ATP2A1: variants seen among roughly 807,000 people sequenced by gnomAD.
ATP2A1 encodes ATPase sarcoplasmic/endoplasmic reticulum Ca2+ transporting 1, also known as sarcoplasmic/endoplasmic reticulum calcium ATPase 1.
ATP2A1 carries 83 observed loss-of-function variants against 109.5 expected under a neutral mutation model. The ratio of observed to expected loss-of-function variants is 0.76; its 90% CI spans 0.63 to 0.91. The LOEUF is 0.91. ATP2A1 is among the 40% of genes least tolerant of loss of function. The probability of loss-of-function intolerance (pLI) is 0.00; values close to 1 mark genes in which losing one functional copy is unlikely to be tolerated. For synonymous variants in ATP2A1, 505 were observed against 537.6 expected (o/e 0.94, Z 0.84); for missense variants, 1,101 against 1,341.0 (o/e 0.82, Z 2.80).
Position 28,885,976 on chromosome 16 carries a change from G to A in ATP2A1, c.545-1213G>A, listed in dbSNP as rs532301102. Among the ~76,000 whole-genome samples the A allele has an allele frequency of 4.6e-5, 7 of 151,640 alleles. No individual in the cohort carries two copies. In the South Asian group the frequency reaches 1.0e-3, roughly 23 times the overall value. Reference sequence around the variant, plus strand: ...AGGTCAGGAGTTTCAGACCAGCCTCGGCAACACAGCGAGACCCCATCTCTA... The same window carrying A: ...AGGTCAGGAGTTTCAGACCAGCCTCAGCAACACAGCGAGACCCCATCTCTA... On this transcript the variant is annotated intron_variant, in intron 6 of 22. Coordinates refer to ENST00000395503, the MANE Select transcript of ATP2A1 (RefSeq NM_004320.6).
At position 28,898,165 on chromosome 16, in the gene ATP2A1, A is replaced by G. The variant is rs987362854; in HGVS notation, c.1545+40A>G. 1 of 1,613,682 alleles carries G rather than the reference A, an allele frequency of 6.2e-7. No individual in the cohort carries two copies. Among genetic ancestry groups the G allele is most frequent in the Non-Finnish European group, 8.5e-7 (1 of 1,179,912 alleles). ...TGTGCCTCAGCCCCCTCTTCTTCCT[A>G]CTCCTAGCCACCTGTCACTGCCCTG... is the stretch of plus-strand genomic sequence containing the variant. On this transcript the variant is annotated intron_variant, in intron 13 of 22. Coordinates refer to ENST00000395503, the MANE Select transcript of ATP2A1 (RefSeq NM_004320.6). The surrounding 1 kb of genome is among the most constrained non-coding windows in gnomAD (Gnocchi z 4.0).
chr16:28,904,336 T>G lies in ATP2A1; in HGVS notation c.*194T>G. On this transcript the variant is annotated 3_prime_UTR_variant, in exon 23 of 23. Coordinates refer to ENST00000395503, the MANE Select transcript of ATP2A1 (RefSeq NM_004320.6). Reference sequence around the variant, plus strand: ...TATAAACATGTCCCCTTCCCTTTCCTTCCCCCTCGGCCACCCGCCTCCCTC... The same window carrying G: ...TATAAACATGTCCCCTTCCCTTTCCGTCCCCCTCGGCCACCCGCCTCCCTC... 1 of 1,557,458 alleles carries G rather than the reference T, an allele frequency of 6.4e-7. No individual in the cohort carries two copies. The highest frequency in any genetic ancestry group is 8.7e-7 in the Non-Finnish European group (1 of 1,155,594).
rs778710343 is a variant in ATP2A1, at chr16:28,894,849, G to A, written c.1315G>A (p.Glu439Lys). The change falls in exon 12 of 23, where the codon GAG becomes AAG. Residue 439 changes from glutamate to lysine, a missense_variant. Transcript: ENST00000395503. ...CAAAGGTGTCTATGAGAAGGTCGGC[G>A]AGGCCACCGAGACAGCACTCACCAC... ...EAKGVYEKVG[E>K]ATETALTTLV... 5 of 1,607,106 alleles carry A rather than the reference G, an allele frequency of 3.1e-6. No homozygotes were observed. The highest frequency in any genetic ancestry group is 4.2e-6 in the Non-Finnish European group (5 of 1,178,628).
chr16:28,880,992 T>G lies in ATP2A1; in HGVS notation c.297T>G (p.Ile99Met). 1 of 1,614,182 alleles carries G rather than the reference T, an allele frequency of 6.2e-7. No individual in the cohort carries two copies. The highest frequency in any genetic ancestry group is 8.5e-7 in the Non-Finnish European group (1 of 1,180,018). The change falls in exon 4 of 23, where the codon ATT (isoleucine) becomes ATG (methionine). Residue 99 changes from isoleucine (I) to methionine (M), a missense_variant. Transcript: ENST00000395503. The surrounding 1 kb of genome is among the most constrained non-coding windows in gnomAD (Gnocchi z 4.2). The part of the protein sequence containing the change: ...VEPFVILLIL[I>M]ANAIVGVWQE... ...CCTTTGTCATCCTCTTGATCCTCAT[T>G]GCCAATGCCATCGTGGGGGTTTGGC...
chr16:28,901,590 G>A lies in ATP2A1; in HGVS notation c.2101-273G>A, dbSNP rs367927118. Among the ~76,000 whole-genome samples the A allele has an allele frequency of 2.8e-4, 43 of 151,894 alleles. No individual in the cohort carries two copies. In the East Asian group the frequency reaches 5.0e-3, roughly 18 times the overall value. On this transcript the variant is annotated intron_variant, in intron 15 of 22. Coordinates refer to ENST00000395503, the MANE Select transcript of ATP2A1 (RefSeq NM_004320.6). ...GGAGGTTGCAGTGAGCTGAGATTGC[G>A]CCACTGCATTCCAGCCTGGGCGACA...
At chr16:28,897,885 C>A in intron 12 of ATP2A1, 115 bp from the exon 13 acceptor site, 2 of 1,366,518 alleles carry the variant, frequency 1.5e-6, no homozygotes, top group Non-Finnish European at 2.1e-6. Context: ...TCCTTTTGTG[C>A]TATAGGGACC....
At chr16:28,900,480 ACTTCCTGACCTTTCACCCCATC>A in intron 14 of ATP2A1, 79 bp from the exon 15 acceptor site, 2 of 441,960 alleles carry the variant, frequency 4.5e-6, no homozygotes, top group Non-Finnish European at 6.9e-6. Context: ...CCTCCCCACC[ACTTCCTGACCTTTCACCCCATC>A]CCCACCCCCC....
At position 28,894,201 on chromosome 16, in the gene ATP2A1, A is replaced by G; in HGVS notation, c.1142A>G (p.Glu381Gly). 6.2e-7 allele frequency: 1 copy of G among 1,613,872 alleles called. No individual in the cohort carries two copies. Among genetic ancestry groups the G allele is most frequent in the African/African-American group, 1.3e-5 (1 of 74,916 alleles). The change falls in exon 10 of 23, where the codon GAG becomes GGG. Residue 381 changes from glutamate (E) to glycine (G), a missense_variant. Transcript: ENST00000395503. ...GATGGGGACATCTGCCTCCTGAATG[A>G]GTTCTCCATCACCGGCTCCACTTAC... ...KVDGDICLLNEFSITGSTYAP... is the reference protein window; with the variant it reads ...KVDGDICLLNGFSITGSTYAP...
Position 28,879,506 on chromosome 16 carries a change from A to T in ATP2A1, c.142A>T (p.Thr48Ser). The T allele has an allele frequency of 1.2e-6, 2 of 1,613,422 alleles. No homozygotes were observed. The highest frequency in any genetic ancestry group is 1.7e-6 in the Non-Finnish European group (2 of 1,179,468). The change falls in exon 3 of 23, where the codon ACC (threonine) becomes TCC (serine). Residue 48 changes from threonine to serine, a missense_variant. By Grantham distance (58) the Thr-to-Ser change is moderately conservative. Coordinates refer to ENST00000395503, the MANE Select transcript of ATP2A1 (RefSeq NM_004320.6). Reference protein sequence around the residue: ...LNELPAEEGKTLWELVIEQFE... With the variant: ...LNELPAEEGKSLWELVIEQFE... ...CCCCTTGCCTCCTCCCCCAGGGAAG[A>T]CCCTGTGGGAGCTGGTGATAGAGCA...
At chr16:28,893,788 T>C (rs1304910192) in intron 9 of ATP2A1, among the ~76,000 whole-genome samples, 1 of 151,872 alleles carries the variant, frequency 6.6e-6, no homozygotes, top group Non-Finnish European at 1.5e-5. Context: ...TAGCTGGGAT[T>C]ACAGGCGCGC....
At chr16:28,904,019 G>T (rs1052117486) in intron 22 of ATP2A1, among the ~76,000 whole-genome samples, 161 bp from the exon 23 acceptor site, 3 of 94,246 alleles carry the variant, frequency 3.2e-5, no homozygotes, top group South Asian at 2.4e-4. Context: ...GGGCTGCAGT[G>T]GGGGGGGGCG....
intron 3 of ATP2A1, 88 bp downstream of exon 3, chr16:28,879,671 G>A (rs972241101): frequency 4.2e-6 from 6 of 1,424,662 alleles, no homozygotes; most frequent in Middle Eastern, 2.3e-4. Flanking sequence ...GGATCCTCCC[G>A]TCCGAGTCCC....
Position 28,894,972 on chromosome 16 carries a change from T to G in ATP2A1, c.1419+19T>G. On this transcript the variant is annotated intron_variant, in intron 12 of 22. Transcript: ENST00000395503. ...CAACTCGGTGAGCCTGCGGAGCCCC[T>G]GCCACAGGGCCGTCTCCACTCTATG... The G allele has an allele frequency of 6.2e-7, 1 of 1,610,096 alleles. No homozygotes were observed. The highest frequency in any genetic ancestry group is 8.5e-7 in the Non-Finnish European group (1 of 1,179,980).
intron 9 of ATP2A1, among the ~76,000 whole-genome samples, chr16:28,891,983 T>C (rs1048036958): frequency 2.0e-5 from 3 of 152,192 alleles, no homozygotes; most frequent in Non-Finnish European, 4.4e-5. Context: ...TACAGTTCTA[T>C]CAAAATTTTT....
At position 28,897,211 on chromosome 16, in the gene ATP2A1, T is replaced by A. The variant is rs12598409; in HGVS notation, c.1420-789T>A. Among the ~76,000 whole-genome samples the A allele has an allele frequency of 5.9e-5, 9 of 152,290 alleles. No homozygotes were observed. The East Asian group carries it at 1.7e-3, about 29-fold the overall frequency. Reference sequence around the variant, plus strand: ...ACATTTCTATCATTACTAAAAGTTATAGGGCCAGGTGTGGTGGTTCATGCC... The same window carrying A: ...ACATTTCTATCATTACTAAAAGTTAAAGGGCCAGGTGTGGTGGTTCATGCC... On this transcript the variant is annotated intron_variant, in intron 12 of 22. Transcript: ENST00000395503.
At chr16:28,893,688 C>T (rs1360137354) in intron 9 of ATP2A1, among the ~76,000 whole-genome samples, 2 of 133,828 alleles carry the variant, frequency 1.5e-5, no homozygotes, top group Non-Finnish European at 1.6e-5. Flanking sequence ...TGGCTCTTGT[C>T]GCCCAGGCTG....
chr16:28,900,587 C>T lies in ATP2A1; in HGVS notation c.1771C>T (p.Leu591=), dbSNP rs2152213333. 1.9e-6 allele frequency: 3 copies of T among 1,564,108 alleles called. No individual in the cohort carries two copies. Among genetic ancestry groups the T allele is most frequent in the African/African-American group, 1.3e-5 (1 of 74,324 alleles). ...SARFLEYETD[L]TFVGVVGMLD... ...CTCTGCTGTATCTCCCCAGACGGAC[C>T]TGACATTCGTGGGTGTAGTGGGCAT... The change falls in exon 15 of 23, where the codon CTG becomes TTG. Residue 591 remains leucine, a synonymous_variant. Coordinates refer to ENST00000395503, the MANE Select transcript of ATP2A1 (RefSeq NM_004320.6).
rs562157346 is a variant in ATP2A1 at position 28,903,767 on chromosome 16, C to G, written c.*37+26C>G. On this transcript the variant is annotated intron_variant, in intron 22 of 22. Transcript: ENST00000395503. The surrounding 1 kb of genome is among the most constrained non-coding windows in gnomAD (Gnocchi z 5.6). ...GTATCACCCCCTTCTTGCCCTCAGC[C>G]CAGCTGCTGTGCCCCTGCCACCCGC... 6.2e-7 allele frequency: 1 copy of G among 1,609,348 alleles called. No individual in the cohort carries two copies. The highest frequency in any genetic ancestry group is 1.3e-5 in the African/African-American group (1 of 74,920).
In ATP2A1 at chr16:28,894,155, A is replaced by T. The variant is rs1365851633; in HGVS notation, c.1096A>T (p.Met366Leu). Residue 366 changes from methionine to leucine, a missense_variant and splice_region_variant, in exon 10 of 23, where the codon ATG becomes TTG. Coordinates refer to ENST00000395503, the MANE Select transcript of ATP2A1 (RefSeq NM_004320.6). ...LTTNQMSVCK[M>L]FIIDKVDGDI... ...GTGTGCCTGCCCTTCTCCCCTGCAG[A>T]TGTTTATCATTGACAAGGTGGATGG... The T allele has an allele frequency of 6.2e-7, 1 of 1,613,684 alleles. No homozygotes were observed. The highest frequency in any genetic ancestry group is 2.2e-5 in the East Asian group (1 of 44,864).
Sources: allele counts gnomAD v4.1 joint callset (sites outside exome capture counted in the v4.1 genomes callset), GRCh38; gene constraint gnomAD v4.1.1; non-coding constraint Gnocchi (gnomAD v3.1); transcripts MANE v1.5; gene names NCBI Gene and HGNC (gene_info 2026-07-23, HGNC 2026-07-21).